Variants in ALX4 observed in about 807,000 individuals in gnomAD.
ALX4 encodes the protein homeobox protein aristaless-like 4.
A neutral mutation model predicts 40.6 loss-of-function variants in ALX4; 22 were observed. The ratio of observed to expected loss-of-function variants is 0.54; its 90% CI spans 0.39 to 0.77. The LOEUF is 0.77. Ranked by LOEUF, ALX4 falls within the 30% of genes least tolerant of loss-of-function variation. The pLI, the probability that ALX4 is intolerant of heterozygous loss-of-function variation, is 0.00. For synonymous variants in ALX4, 266 were observed against 240.5 expected, an observed-to-expected ratio of 1.11 and a Z score of -0.98; for missense variants, 556 against 564.8, an observed-to-expected ratio of 0.98 and a Z score of 0.16.
At chr11:44,281,158 A>G (rs1448337140) in intron 1 of ALX4, among the ~76,000 whole-genome samples, 3 of 151,072 alleles carry the variant, frequency 2.0e-5, no homozygotes, top group East Asian at 1.9e-4. Flanking sequence ...ATGACCTTCT[A>G]GAGCCATTTT....
chr11:44,286,297 TCAA>T (rs760725032), intron 1 of ALX4, among the ~76,000 whole-genome samples: 43 of 152,122 alleles, frequency 2.8e-4, no homozygotes, highest in Admixed American at 1.2e-3. Flanking sequence ...TTTGCTCAGC[TCAA>T]CAACATTGCA....
chr11:44,274,469 A>AGTGG (rs1956266498), intron 2 of ALX4, among the ~76,000 whole-genome samples: 1 of 130,768 alleles, frequency 7.6e-6, no homozygotes, highest in Non-Finnish European at 1.6e-5. Flanking sequence ...CACTGAGTTG[A>AGTGG]GTTGAGTGTG....
chr11:44,281,038 T>C (rs1177718932), intron 1 of ALX4, among the ~76,000 whole-genome samples: 1 of 152,218 alleles, frequency 6.6e-6, no homozygotes, highest in Admixed American at 6.5e-5. Context: ...ATGGCATCAC[T>C]CTAATCTAGT....
intron 1 of ALX4, among the ~76,000 whole-genome samples, chr11:44,296,778 G>T (rs1210303017): frequency 1.3e-5 from 2 of 152,102 alleles, no homozygotes; most frequent in Admixed American, 6.6e-5. Flanking sequence ...GGAGGCTGAG[G>T]CGGGTGGATC....
At chr11:44,301,824 C>T (rs764544291) in intron 1 of ALX4, among the ~76,000 whole-genome samples, 1 of 152,184 alleles carries the variant, frequency 6.6e-6, no homozygotes, top group Non-Finnish European at 1.5e-5. Flanking sequence ...ATGGGGTCAG[C>T]AGTGGGCACA....
At chr11:44,289,757 G>T (rs1259472930) in intron 1 of ALX4, among the ~76,000 whole-genome samples, 4 of 152,248 alleles carry the variant, frequency 2.6e-5, no homozygotes, top group South Asian at 2.1e-4. Context: ...GGGTGGGATG[G>T]GTGTTCCAGC....
chr11:44,306,569 T>C (rs1956469821), intron 1 of ALX4, among the ~76,000 whole-genome samples: 2 of 152,226 alleles, frequency 1.3e-5, no homozygotes, highest in South Asian at 4.1e-4. Flanking sequence ...GGTTGCCAGG[T>C]CTCAGCTGCC....
At chr11:44,275,264 G>C in intron 2 of ALX4, 84 bp downstream of exon 2, 1 of 1,401,266 alleles carries the variant, frequency 7.1e-7, no homozygotes, top group Non-Finnish European at 1.0e-6. Context: ...TGGTTGGTGG[G>C]CAGTCAGGAG....
intron 1 of ALX4, among the ~76,000 whole-genome samples, chr11:44,308,951 G>T (rs11037950): frequency 0.43 from 65,168 of 152,158 alleles, 14,330 homozygotes; most frequent in Admixed American, 0.52. Context: ...CTCGGGTCTT[G>T]CCAGACCACA....
chr11:44,290,264 C>T (rs529152386), intron 1 of ALX4, among the ~76,000 whole-genome samples: 10 of 152,344 alleles, frequency 6.6e-5, no homozygotes, highest in Non-Finnish European at 1.2e-4. Context: ...CAGAGGCTGG[C>T]GAGATGGAGG....
chr11:44,310,121 G>A lies in ALX4; in HGVS notation c.-59C>T. Reference sequence around the variant, plus strand: ...AGCGAGGGCGCGAGGACGCCACCGCGCGCCTTGGCTGGGAGTTTGGGGAGG... The same window carrying A: ...AGCGAGGGCGCGAGGACGCCACCGCACGCCTTGGCTGGGAGTTTGGGGAGG... On this transcript the variant is annotated 5_prime_UTR_variant, in exon 1 of 4. Coordinates refer to ENST00000652299, the MANE Select transcript of ALX4 (RefSeq NM_021926.4). The A allele has an allele frequency of 1.3e-6, 2 of 1,518,546 alleles. No homozygotes were observed. Among genetic ancestry groups the A allele is most frequent in the Non-Finnish European group, 1.8e-6 (2 of 1,130,278 alleles). The allele number at this position is 1,518,546 out of a possible 1,614,324, so 94.1% of individuals were successfully genotyped here.
At chr11:44,292,283 G>A (rs1262285882) in intron 1 of ALX4, among the ~76,000 whole-genome samples, 1 of 151,222 alleles carries the variant, frequency 6.6e-6, no homozygotes, top group Non-Finnish European at 1.5e-5. Context: ...ACAGCTCACT[G>A]CAGCCTCAAC....
chr11:44,295,538 C>T (rs1956398122), intron 1 of ALX4, among the ~76,000 whole-genome samples: 1 of 152,232 alleles, frequency 6.6e-6, no homozygotes. Context: ...GCTGTGCTCC[C>T]CTTGGACTCT....
At chr11:44,304,322 T>A (rs1319727189) in intron 1 of ALX4, among the ~76,000 whole-genome samples, 1 of 152,222 alleles carries the variant, frequency 6.6e-6, no homozygotes, top group Non-Finnish European at 1.5e-5. Context: ...AACCGTTGCC[T>A]GGGCCTAGGT....
At chr11:44,299,798 C>T (rs1162352603) in intron 1 of ALX4, among the ~76,000 whole-genome samples, 1 of 152,172 alleles carries the variant, frequency 6.6e-6, no homozygotes, top group Non-Finnish European at 1.5e-5. Context: ...CAGCAAGACT[C>T]GACTCTTCCT....
intron 2 of ALX4, 51 bp downstream of exon 2, chr11:44,275,297 C>G (rs964859140): frequency 1.4e-5 from 23 of 1,592,464 alleles, no homozygotes; most frequent in African/African-American, 4.0e-5. Flanking sequence ...GCCAAGAGCC[C>G]AGGGACAGGC....
intron 1 of ALX4, among the ~76,000 whole-genome samples, chr11:44,277,028 G>T (rs1248553899): frequency 1.3e-5 from 2 of 152,124 alleles, no homozygotes; most frequent in Non-Finnish European, 2.9e-5. Context: ...GAATCCTATG[G>T]CCATGACTCC....
chr11:44,268,787 C>A (rs1164303011), intron 2 of ALX4, among the ~76,000 whole-genome samples: 1 of 152,156 alleles, frequency 6.6e-6, no homozygotes. Flanking sequence ...AGAGATGGAC[C>A]GTGGTGCTCC....
intron 1 of ALX4, among the ~76,000 whole-genome samples, chr11:44,302,917 G>A (rs755168666): frequency 6.6e-6 from 1 of 152,214 alleles, no homozygotes; most frequent in African/African-American, 2.4e-5. Flanking sequence ...AACTCCAAGA[G>A]GGTCTTTGGA....
Sources: gnomAD v4.1 joint callset for allele counts (sites outside exome capture counted in the v4.1 genomes callset) on GRCh38, gnomAD v4.1.1 for gene constraint, MANE v1.5 for transcripts, NCBI Gene and HGNC (gene_info 2026-07-23, HGNC 2026-07-21) for gene names.